PHACTR3: variants seen among roughly 807,000 people sequenced by gnomAD.
PHACTR3 encodes phosphatase and actin regulator 3.
PHACTR3 carries 16 observed loss-of-function variants against 66.8 expected under a neutral mutation model. The ratio of observed to expected loss-of-function variants is 0.24; its 90% CI spans 0.16 to 0.36. The LOEUF (loss-of-function observed/expected upper bound fraction) is 0.36, where lower values mean the gene tolerates loss of function less well. Ranked by LOEUF, PHACTR3 falls within the 10% of genes least tolerant of loss-of-function variation. The pLI, the probability that PHACTR3 is intolerant of heterozygous loss-of-function variation, is 1.00. For synonymous variants in PHACTR3, 323 were observed against 292.1 expected (o/e 1.11, Z -1.08); for missense variants, 647 against 719.9 (o/e 0.90, Z 1.16).
At chr20:59,742,931 G>A (rs191796008) in intron 1 of PHACTR3, among the ~76,000 whole-genome samples, 176 bp from the exon 2 acceptor site, 6 of 152,308 alleles carry the variant, frequency 3.9e-5, no homozygotes, top group Middle Eastern at 3.4e-3. Flanking sequence ...GAAATTCAGC[G>A]CACGCTGCTG....
intron 1 of PHACTR3, among the ~76,000 whole-genome samples, chr20:59,740,665 CT>C (rs56923498): frequency 2.7e-5 from 4 of 150,350 alleles, no homozygotes; most frequent in Admixed American, 6.6e-5. Context: ...ATCATGGCAT[CT>C]TTTTTTTTTA....
chr20:59,802,258 G>A (rs1270185030), intron 7 of PHACTR3, among the ~76,000 whole-genome samples: 5 of 152,164 alleles, frequency 3.3e-5, no homozygotes, highest in South Asian at 4.1e-4. Context: ...TTAGTGTCAT[G>A]GGACACAGGA....
intron 1 of PHACTR3, among the ~76,000 whole-genome samples, chr20:59,596,683 T>G (rs963361306): frequency 7.9e-5 from 12 of 152,336 alleles, no homozygotes; most frequent in African/African-American, 2.6e-4. Context: ...CTCTGGACAT[T>G]GGCATGCATA....
Position 59,594,335 on chromosome 20 carries a change from G to A in PHACTR3, c.109+16718G>A, listed in dbSNP as rs563081116. Reference sequence around the variant, plus strand: ...ATTAGTTTCAGGAGGCTTTTTGGTCGAGTTTTTTTTTTTTTATTTTCTACA... The same window carrying A: ...ATTAGTTTCAGGAGGCTTTTTGGTCAAGTTTTTTTTTTTTTATTTTCTACA... On this transcript the variant is annotated intron_variant, in intron 1 of 12. Transcript: ENST00000359926. 1.8e-3 allele frequency among the ~76,000 whole-genome samples: 220 copies of A among 124,434 alleles called. 1 individual carries two copies. Among genetic ancestry groups the A allele is most frequent in the Non-Finnish European group, 3.3e-3 (175 of 53,206 alleles). 81.6% of individuals were successfully genotyped at this position (124,434 alleles called of 152,430 possible).
Position 59,604,877 on chromosome 20 carries a change from CTTTTTTTT to C in PHACTR3, c.-123_-116del. ...TCTCCAGCTCGTTTCCTTTCCCGGC[CTTTTTTTT>C]TTTTTTTTTTTTTTAATTTTCTTTT... is the stretch of plus-strand genomic sequence containing the variant. On this transcript the variant is annotated 5_prime_UTR_variant, in exon 1 of 13. Coordinates refer to ENST00000371015, the MANE Select transcript of PHACTR3 (RefSeq NM_080672.5). 1 of 977,906 alleles carries C rather than the reference CTTTTTTTT, an allele frequency of 1.0e-6. No individual in the cohort carries two copies. 60.6% of individuals were successfully genotyped at this position (977,906 alleles called of 1,614,324 possible).
upstream of PHACTR3, among the ~76,000 whole-genome samples, chr20:59,601,809 A>T (rs2033486493): frequency 6.6e-6 from 1 of 152,238 alleles, no homozygotes; most frequent in African/African-American, 2.4e-5. Context: ...AACAAACCAC[A>T]GTGCTTTGCT....
chr20:59,723,060 C>CTCTTCTT (rs1466366874), intron 1 of PHACTR3, among the ~76,000 whole-genome samples: 226 of 118,768 alleles, frequency 1.9e-3, no homozygotes, highest in African/African-American at 6.9e-3. Context: ...TTCTTTCTTT[C>CTCTTCTT]TCTTTCTTTC....
intron 12 of PHACTR3, among the ~76,000 whole-genome samples, chr20:59,846,391 A>T (rs1277751465): frequency 2.6e-5 from 4 of 152,180 alleles, no homozygotes; most frequent in Admixed American, 2.6e-4. Context: ...TTGTTTTTTA[A>T]GGTTCCCTCC....
chr20:59,619,056 C>A (rs2034140377), intron 1 of PHACTR3, among the ~76,000 whole-genome samples: 2 of 152,190 alleles, frequency 1.3e-5, no homozygotes, highest in South Asian at 4.1e-4. Context: ...ATGCTCACTA[C>A]CTCCTGTGTG....
At position 59,806,333 on chromosome 20, in the gene PHACTR3, G is replaced by A. The variant is rs142643512; in HGVS notation, c.1328+139G>A. 7.7e-3 allele frequency: 8,738 copies of A among 1,130,686 alleles called. 41 individuals carry two copies. Among genetic ancestry groups the A allele is most frequent in the Non-Finnish European group, 9.6e-3 (7,742 of 802,804 alleles). The allele number at this position is 1,130,686 out of a possible 1,614,324, so 70.0% of individuals were successfully genotyped here. A position where few individuals can be genotyped will look rare whatever the true frequency, so the allele number is the denominator to read the frequency against. On this transcript the variant is annotated intron_variant, in intron 8 of 12. Transcript: ENST00000371015. ...CAGCAGGTCTCTTGACCCCGCCACC[G>A]TTGACGTTTGGGGCCGTGTGGAGGC...
chr20:59,760,695 T>G (rs1306392998), intron 4 of PHACTR3, among the ~76,000 whole-genome samples: 1 of 152,128 alleles, frequency 6.6e-6, no homozygotes. Context: ...ATCAGCAGCA[T>G]GAAAACGGAC....
At chr20:59,768,014 C>T (rs2040239880) in intron 5 of PHACTR3, among the ~76,000 whole-genome samples, 1 of 152,184 alleles carries the variant, frequency 6.6e-6, no homozygotes, top group South Asian at 2.1e-4. Flanking sequence ...GTTTCACTTT[C>T]CAGTGAGTTC....
intron 1 of PHACTR3, among the ~76,000 whole-genome samples, chr20:59,670,408 CCT>C (rs1427529026): frequency 6.6e-6 from 1 of 152,156 alleles, no homozygotes; most frequent in Non-Finnish European, 1.5e-5. Context: ...GAGGCAGAAA[CCT>C]CTCTTTTGTC....
intron 1 of PHACTR3, among the ~76,000 whole-genome samples, chr20:59,685,564 T>G (rs2036833390): frequency 6.6e-6 from 1 of 152,194 alleles, no homozygotes; most frequent in Non-Finnish European, 1.5e-5. Context: ...GAGGGTTCAC[T>G]GCGCCGTTGC....
intron 7 of PHACTR3, among the ~76,000 whole-genome samples, chr20:59,775,772 T>C (rs2040517647): frequency 6.6e-6 from 1 of 152,116 alleles, no homozygotes; most frequent in East Asian, 1.9e-4. Flanking sequence ...CCTGTGAGCC[T>C]CCAGCAGGAG....
chr20:59,846,856 T>G (rs1258685046), intron 12 of PHACTR3, among the ~76,000 whole-genome samples: 1 of 152,194 alleles, frequency 6.6e-6, no homozygotes, highest in Admixed American at 6.5e-5. Flanking sequence ...TTCTGTGTAC[T>G]TCAAGGGCTT....
At position 59,758,664 on chromosome 20, in the gene PHACTR3, G is replaced by A. The variant is rs543581922; in HGVS notation, c.541+3300G>A. The stretch of plus-strand genomic sequence containing the variant: ...TTACTTAGCCCTGGAAGCAGCCCCC[G>A]GAGATCTCACGCCCATGATGAAATG... On this transcript the variant is annotated intron_variant, in intron 4 of 12. Transcript: ENST00000371015. Among the ~76,000 whole-genome samples, 6 of 152,118 alleles carry A rather than the reference G, an allele frequency of 3.9e-5. No individual in the cohort carries two copies. The South Asian group carries it at 6.2e-4, about 16-fold the overall frequency.
intron 1 of PHACTR3, among the ~76,000 whole-genome samples, chr20:59,605,797 A>T (rs2033642238): frequency 7.7e-6 from 1 of 130,356 alleles, no homozygotes; most frequent in African/African-American, 2.9e-5. Context: ...AAAGGCGTCT[A>T]TAGGGCTTGA....
At chr20:59,847,014 A>T (rs1318336182) in intron 12 of PHACTR3, 101 bp from the exon 13 acceptor site, 12 of 803,370 alleles carry the variant, frequency 1.5e-5, no homozygotes, top group Non-Finnish European at 1.9e-5. Flanking sequence ...ACTTCTGAGA[A>T]TCTTTTTAAT....
Sources: allele counts gnomAD v4.1 joint callset (sites outside exome capture counted in the v4.1 genomes callset), GRCh38; gene constraint gnomAD v4.1.1; transcripts MANE v1.5; gene names NCBI Gene and HGNC (gene_info 2026-07-23, HGNC 2026-07-21).